Variants in SPATA17 observed in about 807,000 individuals in gnomAD.
SPATA17 encodes spermatogenesis-associated protein 17.
Under a neutral mutation model 62.2 loss-of-function variants are expected in SPATA17, and 53 were observed. The observed-to-expected ratio is 0.85, with a 90% CI of 0.68 to 1.07. The LOEUF (loss-of-function observed/expected upper bound fraction) is 1.07. Ranked by LOEUF, SPATA17 falls within the 50% of genes least tolerant of loss-of-function variation. SPATA17 has a pLI of 0.00. For missense variants in SPATA17, 466 were observed against 425.5 expected, an observed-to-expected ratio of 1.10 and a Z score of -0.84; for synonymous variants, 146 against 146.8, an observed-to-expected ratio of 0.99 and a Z score of 0.04.
At chr1:217,671,626 C>A (rs1465928069) in intron 4 of SPATA17, among the ~76,000 whole-genome samples, 2 of 152,128 alleles carry the variant, frequency 1.3e-5, no homozygotes, top group Non-Finnish European at 2.9e-5. Context: ...CCCTCCCTGC[C>A]TCTCCTGTCC....
At chr1:217,794,622 C>T (rs539475718) in intron 8 of SPATA17, among the ~76,000 whole-genome samples, 2 of 152,008 alleles carry the variant, frequency 1.3e-5, no homozygotes, top group East Asian at 1.9e-4. Context: ...CAGATTTTAC[C>T]GCTTATAGCA....
intron 6 of SPATA17, among the ~76,000 whole-genome samples, chr1:217,754,512 A>C (rs1320346632): frequency 6.6e-6 from 1 of 152,112 alleles, no homozygotes; most frequent in African/African-American, 2.4e-5. Flanking sequence ...TTCTATTTTG[A>C]GGACACTTCA....
intron 7 of SPATA17, 62 bp downstream of exon 7, chr1:217,774,599 T>C: frequency 7.3e-7 from 1 of 1,365,088 alleles, no homozygotes; most frequent in Non-Finnish European, 1.0e-6. Flanking sequence ...TTTGCACTTT[T>C]TATATAACAC....
intron 8 of SPATA17, 94 bp downstream of exon 8, chr1:217,782,416 T>C: frequency 7.4e-7 from 1 of 1,359,012 alleles, no homozygotes; most frequent in South Asian, 1.8e-5. Flanking sequence ...AAATCTTTTA[T>C]TTGTGAGAAA....
intron 6 of SPATA17, among the ~76,000 whole-genome samples, chr1:217,749,985 C>CTCTCTCTCTCTATATATA: frequency 1.7e-3 from 21 of 12,310 alleles, no homozygotes; most frequent in South Asian, 3.2e-3. Context: ...CTCTCTCTCT[C>CTCTCTCTCTCTATATATA]TATATATATA....
At chr1:217,743,228 G>T (rs2102949032) in intron 6 of SPATA17, among the ~76,000 whole-genome samples, 1 of 151,638 alleles carries the variant, frequency 6.6e-6, no homozygotes, top group African/African-American at 2.4e-5. Context: ...AAATACTTAG[G>T]CAATAATTAA....
chr1:217,823,872 C>T (rs960493878), intron 9 of SPATA17, among the ~76,000 whole-genome samples: 5 of 151,870 alleles, frequency 3.3e-5, no homozygotes, highest in Non-Finnish European at 7.4e-5. Flanking sequence ...TGAACTTCTT[C>T]GTCTCTTTTT....
At chr1:217,751,893 T>G (rs1672917264) in intron 6 of SPATA17, among the ~76,000 whole-genome samples, 1 of 152,170 alleles carries the variant, frequency 6.6e-6, no homozygotes, top group South Asian at 2.1e-4. Flanking sequence ...TTAGAATAAA[T>G]TCCTTAGAAA....
At chr1:217,702,032 G>GTATA (rs10631525) in intron 5 of SPATA17, among the ~76,000 whole-genome samples, 22,208 of 147,644 alleles carry the variant, frequency 0.15, 1,922 homozygotes, top group African/African-American at 0.24. Context: ...AAAATTTGGT[G>GTATA]TATATATATA....
chr1:217,680,281 T>C (rs1263665710), intron 4 of SPATA17, among the ~76,000 whole-genome samples: 1 of 152,202 alleles, frequency 6.6e-6, no homozygotes, highest in Non-Finnish European at 1.5e-5. Context: ...TTCCCTCTTC[T>C]ATCAAATGAG....
intron 8 of SPATA17, among the ~76,000 whole-genome samples, chr1:217,797,914 A>C (rs1674196690): frequency 6.6e-6 from 1 of 152,140 alleles, no homozygotes; most frequent in African/African-American, 2.4e-5. Context: ...AGTATTTTAG[A>C]TAGACCTTTT....
Position 217,830,976 on chromosome 1 carries a change from A to G in SPATA17, c.1005+29126A>G, listed in dbSNP as rs192008528. ...AAAAATAGTGAAAATAGTTTGCACT[A>G]TTGGTTTTAAGGATACAAATGTTTA... On this transcript the variant is annotated intron_variant, in intron 9 of 10. Transcript: ENST00000366933. 2.6e-4 allele frequency among the ~76,000 whole-genome samples: 40 copies of G among 152,288 alleles called. 1 individual carries two copies. Among genetic ancestry groups the G allele is most frequent in the Admixed American group, 2.5e-3 (38 of 15,276 alleles).
chr1:217,843,729 A>T (rs1170040071), intron 9 of SPATA17, among the ~76,000 whole-genome samples: 1 of 152,168 alleles, frequency 6.6e-6, no homozygotes, highest in East Asian at 1.9e-4. Context: ...ATACATAAAT[A>T]AGTGGGCATG....
At chr1:217,636,409 CTTA>C (rs1314184332) in intron 1 of SPATA17, among the ~76,000 whole-genome samples, 8 of 149,182 alleles carry the variant, frequency 5.4e-5, no homozygotes, top group Admixed American at 1.3e-4. Context: ...TTATTATTGA[CTTA>C]TTATTATTAT....
chr1:217,715,343 A>C lies in SPATA17; in HGVS notation c.396-26632A>C, dbSNP rs1448788955. Reference sequence around the variant, plus strand: ...AGAAGTGGCAACACCTTTACAAATTACTAAATTGACCTTTCAGAATTTTGG... The same window carrying C: ...AGAAGTGGCAACACCTTTACAAATTCCTAAATTGACCTTTCAGAATTTTGG... On this transcript the variant is annotated intron_variant, in intron 5 of 10. Coordinates refer to ENST00000366933, the MANE Select transcript of SPATA17 (RefSeq NM_138796.4). Among the ~76,000 whole-genome samples, 5 of 152,340 alleles carry C rather than the reference A, an allele frequency of 3.3e-5. No homozygotes were observed. In the East Asian group the frequency reaches 9.6e-4, roughly 29 times the overall value.
chr1:217,669,243 T>TATTAA (rs1670781222), intron 4 of SPATA17, among the ~76,000 whole-genome samples, 160 bp downstream of exon 4: 1 of 152,202 alleles, frequency 6.6e-6, no homozygotes, highest in African/African-American at 2.4e-5. Flanking sequence ...CTAAATAATC[T>TATTAA]TGGCAGTATT....
At chr1:217,690,543 G>A (rs1671327936) in intron 5 of SPATA17, among the ~76,000 whole-genome samples, 1 of 138,264 alleles carries the variant, frequency 7.2e-6, no homozygotes, top group South Asian at 2.3e-4. Flanking sequence ...CATTGTGCAG[G>A]TTAGTTACAT....
chr1:217,720,122 T>C (rs1310540850), intron 5 of SPATA17, among the ~76,000 whole-genome samples: 1 of 152,208 alleles, frequency 6.6e-6, no homozygotes, highest in Middle Eastern at 3.2e-3. Flanking sequence ...CAGTCATGCG[T>C]TGACATATCC....
chr1:217,803,185 T>C (rs977917388), intron 9 of SPATA17, among the ~76,000 whole-genome samples: 14 of 152,146 alleles, frequency 9.2e-5, no homozygotes, highest in Admixed American at 9.2e-4. Flanking sequence ...GTTCTGGGAT[T>C]ATAGGCATGA....
Sources: gnomAD v4.1 joint callset for allele counts (sites outside exome capture counted in the v4.1 genomes callset) on GRCh38, gnomAD v4.1.1 for gene constraint, MANE v1.5 for transcripts, NCBI Gene and HGNC (gene_info 2026-07-23, HGNC 2026-07-21) for gene names.